Variants in SLC11A2 observed in about 807,000 individuals in gnomAD.
SLC11A2 encodes solute carrier family 11 member 2.
SLC11A2 carries 38 observed loss-of-function variants against 68.0 expected under a neutral mutation model. The ratio of observed to expected loss-of-function variants is 0.56; its 90% CI spans 0.43 to 0.73. The LOEUF (loss-of-function observed/expected upper bound fraction) is 0.73. SLC11A2 is among the 30% of genes least tolerant of loss of function. The pLI, the probability that SLC11A2 is intolerant of heterozygous loss-of-function variation, is 0.00. For missense variants in SLC11A2, 517 were observed against 690.5 expected (o/e 0.75, Z 2.82); for synonymous variants, 242 against 250.6 (o/e 0.97, Z 0.32).
upstream of SLC11A2, chr12:51,026,554 G>A: frequency 5.9e-6 from 2 of 337,176 alleles, no homozygotes; most frequent in Non-Finnish European, 1.1e-5. Context: ...CGGCCCCTGG[G>A]GCACCCGGCG....
intron 4 of SLC11A2, among the ~76,000 whole-genome samples, 176 bp downstream of exon 4, chr12:51,005,135 A>G (rs537806300): frequency 6.6e-6 from 1 of 152,354 alleles, no homozygotes; most frequent in African/African-American, 2.4e-5. Context: ...CCTTTGTTCA[A>G]GGAAACTATG....
At chr12:50,990,744 A>C (rs898753213) in intron 15 of SLC11A2, 51 bp downstream of exon 15, 1 of 1,592,840 alleles carries the variant, frequency 6.3e-7, no homozygotes, top group African/African-American at 1.3e-5. Context: ...AGTGAACCCC[A>C]CCTCAACCAT....
chr12:50,959,415 C>T, the SLC11A2 span, among the ~76,000 whole-genome samples: 72 of 152,018 alleles, frequency 4.7e-4, no homozygotes, highest in African/African-American at 1.6e-3. Context: ...CCACTGTGCC[C>T]GGCCCCATAT....
At chr12:50,974,196 C>T in the SLC11A2 span, among the ~76,000 whole-genome samples, 1 of 152,108 alleles carries the variant, frequency 6.6e-6, no homozygotes, top group Admixed American at 6.6e-5. Flanking sequence ...GTCAGATTCA[C>T]CAAAGTTGAA....
rs535029460 is a variant in SLC11A2 at position 50,987,668 on chromosome 12, C to T, written c.*657G>A. 11 of 1,287,160 alleles carry T rather than the reference C, an allele frequency of 8.5e-6. No individual in the cohort carries two copies. In the African/African-American group the frequency reaches 1.2e-4, roughly 14 times the overall value. The allele number at this position is 1,287,160 out of a possible 1,614,324, so 79.7% of individuals were successfully genotyped here. ...AAGGTAATTAGTAAGCACCACCTAG[C>T]GATGTGGTGCTGGTTTTGTTAGTTG... On this transcript the variant is annotated 3_prime_UTR_variant, in exon 16 of 16. Transcript: ENST00000262052.
At chr12:50,966,994 G>A in the SLC11A2 span, among the ~76,000 whole-genome samples, 5 of 152,040 alleles carry the variant, frequency 3.3e-5, no homozygotes, top group Admixed American at 6.6e-5. Context: ...GCATGTGCCT[G>A]TAATCCCTGC....
At chr12:51,026,073 G>A in intron 1 of SLC11A2, 1 of 1,087,910 alleles carries the variant, frequency 9.2e-7, no homozygotes, top group East Asian at 1.1e-4. Context: ...CGCGACCTCC[G>A]GCGTTCCCTC....
At chr12:51,022,254 C>T (rs1030793286) in intron 1 of SLC11A2, among the ~76,000 whole-genome samples, 1 of 151,940 alleles carries the variant, frequency 6.6e-6, no homozygotes, top group Non-Finnish European at 1.5e-5. Context: ...ATTTCAAAGA[C>T]CCCTTTCTAT....
the SLC11A2 span, among the ~76,000 whole-genome samples, chr12:50,958,672 TGTG>T: frequency 6.6e-6 from 1 of 151,994 alleles, no homozygotes; most frequent in Non-Finnish European, 1.5e-5. Flanking sequence ...ATCAACATGG[TGTG>T]GTACTGATGG....
chr12:50,954,196 G>C, the SLC11A2 span: 1 of 694,722 alleles, frequency 1.4e-6, no homozygotes, highest in Non-Finnish European at 2.5e-6. Context: ...AATTTTTTCA[G>C]ATAATTGAAG....
chr12:50,994,496 T>C (rs761377089), intron 11 of SLC11A2, 48 bp downstream of exon 11: 1 of 1,235,342 alleles, frequency 8.1e-7, no homozygotes, highest in Non-Finnish European at 1.2e-6. Context: ...CATACTATGC[T>C]AAAAATACTG....
chr12:51,010,396 T>C (rs897794849), intron 2 of SLC11A2, among the ~76,000 whole-genome samples: 4 of 151,570 alleles, frequency 2.6e-5, no homozygotes, highest in Non-Finnish European at 5.9e-5. Context: ...CGTGTGCCTT[T>C]AGTCACAGCT....
At position 50,999,200 on chromosome 12, in the gene SLC11A2, T is replaced by A; in HGVS notation, c.649A>T (p.Ile217Phe). The change falls in exon 8 of 16, where the codon ATT (isoleucine) becomes TTT (phenylalanine). Residue 217 changes from isoleucine (I) to phenylalanine (F), a missense_variant. Ile to Phe is a conservative substitution (Grantham distance 21). Transcript: ENST00000262052. ...LEAFFGFLIT[I>F]MALTFGYEYV... ...TCATATCCAAATGTGAGGGCCATAA[T>A]AGTGATGAGAAAGCCAAAAAATGCT... is the stretch of plus-strand genomic sequence containing the variant. 1 of 1,613,604 alleles carries A rather than the reference T, an allele frequency of 6.2e-7. No individual in the cohort carries two copies. The highest frequency in any genetic ancestry group is 8.5e-7 in the Non-Finnish European group (1 of 1,179,856).
chr12:50,981,898 CT>C, downstream of SLC11A2: 30 of 637,288 alleles, frequency 4.7e-5, no homozygotes, highest in African/African-American at 7.4e-5. Flanking sequence ...CAATTTAGGC[CT>C]TTTTTTCTGT....
chr12:50,985,319 A>T (rs2136144368), downstream of SLC11A2, among the ~76,000 whole-genome samples: 1 of 152,302 alleles, frequency 6.6e-6, no homozygotes, highest in Admixed American at 6.5e-5. Flanking sequence ...AAGAGAGAGC[A>T]CTAAATGAGG....
chr12:50,956,990 A>AT, the SLC11A2 span, among the ~76,000 whole-genome samples: 27,763 of 143,828 alleles, frequency 0.19, 2,611 homozygotes, highest in South Asian at 0.27. Context: ...TCATTTTGTT[A>AT]TTTTTTTTTT....
chr12:50,985,342 G>A (rs1331817295), downstream of SLC11A2, among the ~76,000 whole-genome samples: 8 of 152,146 alleles, frequency 5.3e-5, no homozygotes, highest in South Asian at 1.7e-3. Context: ...GGACAACATG[G>A]AGAACAAAAT....
At chr12:50,982,158 C>CA (rs1940078735), downstream of SLC11A2, among the ~76,000 whole-genome samples, 1 of 152,200 alleles carries the variant, frequency 6.6e-6, no homozygotes, top group African/African-American at 2.4e-5. Flanking sequence ...AATTAGAAAT[C>CA]AAATTCCCAA....
chr12:50,957,004 T>C, the SLC11A2 span, among the ~76,000 whole-genome samples: 2 of 151,472 alleles, frequency 1.3e-5, no homozygotes, highest in Non-Finnish European at 2.9e-5. Context: ...TTTTTTTTGC[T>C]GTTTTTATGT....
Sources: allele counts gnomAD v4.1 joint callset (sites outside exome capture counted in the v4.1 genomes callset), GRCh38; gene constraint gnomAD v4.1.1; transcripts MANE v1.5; gene names NCBI Gene and HGNC (gene_info 2026-07-23, HGNC 2026-07-21).